HPSE2: variants seen among roughly 807,000 people sequenced by gnomAD.
HPSE2 encodes the protein inactive heparanase-2.
HPSE2 carries 38 observed loss-of-function variants against 60.5 expected under a neutral mutation model. That is an observed-to-expected ratio of 0.63 (90% CI 0.48 to 0.82). The LOEUF (loss-of-function observed/expected upper bound fraction) is 0.82, where lower values mean the gene tolerates loss of function less well. Ranked by LOEUF, HPSE2 falls within the 40% of genes least tolerant of loss-of-function variation. The probability of loss-of-function intolerance (pLI) is 0.00; values close to 1 mark genes in which losing one functional copy is unlikely to be tolerated. For synonymous variants in HPSE2, 295 were observed against 293.2 expected, an observed-to-expected ratio of 1.01 and a Z score of -0.06; for missense variants, 713 against 740.4, an observed-to-expected ratio of 0.96 and a Z score of 0.43.
intron 2 of HPSE2, among the ~76,000 whole-genome samples, chr10:99,201,589 A>T (rs1456489993): frequency 2.0e-5 from 3 of 152,162 alleles, no homozygotes; most frequent in Non-Finnish European, 4.4e-5. Flanking sequence ...GTCTTTTACA[A>T]CTAGTTCCTA....
intron 2 of HPSE2, among the ~76,000 whole-genome samples, chr10:99,194,015 G>A (rs1848310579): frequency 6.6e-6 from 1 of 151,942 alleles, no homozygotes; most frequent in African/African-American, 2.4e-5. Context: ...CCCAAAAACA[G>A]ACCACGTAAG....
At chr10:98,852,902 T>A (rs985664365) in intron 3 of HPSE2, among the ~76,000 whole-genome samples, 3 of 152,212 alleles carry the variant, frequency 2.0e-5, no homozygotes, top group African/African-American at 7.2e-5. Flanking sequence ...CTTGCTGACC[T>A]TCTTGAACAA....
At chr10:98,721,581 A>C in intron 5 of HPSE2, 76 bp downstream of exon 5, 1 of 1,382,022 alleles carries the variant, frequency 7.2e-7, no homozygotes, top group South Asian at 1.3e-5. Flanking sequence ...AAATAAATAA[A>C]TAACCAAGAG....
intron 5 of HPSE2, among the ~76,000 whole-genome samples, chr10:98,711,147 A>G (rs1229611805): frequency 6.6e-6 from 1 of 152,142 alleles, no homozygotes; most frequent in East Asian, 1.9e-4. Flanking sequence ...GGTGCTGGTT[A>G]GAAGATCATG....
chr10:99,040,691 C>T (rs796504999), intron 3 of HPSE2, among the ~76,000 whole-genome samples: 77 of 152,014 alleles, frequency 5.1e-4, no homozygotes, highest in African/African-American at 1.7e-3. Context: ...AGTATAGTAA[C>T]ATCTCTATAG....
chr10:98,941,128 C>A (rs1180825550), intron 3 of HPSE2, among the ~76,000 whole-genome samples: 1 of 142,214 alleles, frequency 7.0e-6, no homozygotes, highest in Non-Finnish European at 1.5e-5. Flanking sequence ...CCAGTATCAT[C>A]CTGAATGGGC....
intron 7 of HPSE2, among the ~76,000 whole-genome samples, chr10:98,628,526 T>C (rs569027557): frequency 6.6e-6 from 1 of 152,300 alleles, no homozygotes; most frequent in South Asian, 2.1e-4. Flanking sequence ...GGATACACTG[T>C]CTGGGGAGTA....
intron 3 of HPSE2, among the ~76,000 whole-genome samples, chr10:98,862,240 T>C (rs1312290614): frequency 6.6e-6 from 1 of 152,112 alleles, no homozygotes; most frequent in Non-Finnish European, 1.5e-5. Flanking sequence ...AAAAGGCAGC[T>C]TTTCCAGAGA....
Position 98,599,360 on chromosome 10 carries a change from G to A in HPSE2, c.1320+15544C>T, listed in dbSNP as rs571099310. ...TATCCTGATGGCTAAGACTGCAGGGGTGGTTTGGATACTGTGTCTGCTGGG... is the reference window on the plus strand; with the variant it reads ...TATCCTGATGGCTAAGACTGCAGGGATGGTTTGGATACTGTGTCTGCTGGG... On this transcript the variant is annotated intron_variant, in intron 9 of 11. Transcript: ENST00000370552. Among the ~76,000 whole-genome samples the A allele has an allele frequency of 4.6e-5, 7 of 152,292 alleles. 1 individual carries two copies. Among genetic ancestry groups the A allele is most frequent in the South Asian group, 4.1e-4 (2 of 4,826 alleles).
chr10:98,930,080 C>T lies in HPSE2; in HGVS notation c.611-186024G>A, dbSNP rs1338113079. Among the ~76,000 whole-genome samples, 2 of 143,126 alleles carry T rather than the reference C, an allele frequency of 1.4e-5. 1 individual carries two copies. Among genetic ancestry groups the T allele is most frequent in the Non-Finnish European group, 3.0e-5 (2 of 66,986 alleles). The allele number at this position is 143,126 out of a possible 152,430, so 93.9% of individuals were successfully genotyped here. On this transcript the variant is annotated intron_variant, in intron 3 of 11. Coordinates refer to ENST00000370552, the MANE Select transcript of HPSE2 (RefSeq NM_021828.5). ...ATGGTGGTTTGCTGCACCTGTCGAC[C>T]CATCATCTATGTATTAAGCCCAGCA...
intron 7 of HPSE2, among the ~76,000 whole-genome samples, chr10:98,631,746 A>G (rs1313011030): frequency 5.9e-5 from 9 of 152,238 alleles, no homozygotes; most frequent in Non-Finnish European, 1.3e-4. Flanking sequence ...AACACTGACC[A>G]AGAGCCTGTG....
rs1374952684 is a variant in HPSE2 at position 99,117,487 on chromosome 10, GAA to G, written c.610+26749_610+26750del. Reference sequence around the variant, plus strand: ...ATAGAACTCTAGCTAGACAAATAAAGAAGAGAGAAGACCCAAATAAACATCGT... The same window carrying G: ...ATAGAACTCTAGCTAGACAAATAAAGGAGAGAAGACCCAAATAAACATCGT... On this transcript the variant is annotated intron_variant, in intron 3 of 11. Transcript: ENST00000370552. Among the ~76,000 whole-genome samples, 3 of 68,176 alleles carry G rather than the reference GAA, an allele frequency of 4.4e-5. No individual in the cohort carries two copies. The East Asian group carries it at 1.2e-3, about 28-fold the overall frequency. The allele number at this position is 68,176 out of a possible 152,430, so 44.7% of individuals were successfully genotyped here. A position where few individuals can be genotyped will look rare whatever the true frequency, so the allele number is the denominator to read the frequency against.
At chr10:98,535,531 A>G (rs558632713) in intron 9 of HPSE2, among the ~76,000 whole-genome samples, 3 of 152,160 alleles carry the variant, frequency 2.0e-5, no homozygotes, top group African/African-American at 7.2e-5. Context: ...CCCCCATGTC[A>G]TACTGTTTTC....
chr10:99,279,403 C>T, the HPSE2 span, among the ~76,000 whole-genome samples: 1 of 152,150 alleles, frequency 6.6e-6, no homozygotes, highest in Non-Finnish European at 1.5e-5. Context: ...TCATAGTTCT[C>T]AATAAAAATC....
the HPSE2 span, among the ~76,000 whole-genome samples, chr10:99,243,548 G>A: frequency 1.3e-5 from 2 of 152,062 alleles, no homozygotes; most frequent in East Asian, 3.9e-4. Flanking sequence ...GTATGTATAA[G>A]TTGTTTTTAT....
intron 3 of HPSE2, among the ~76,000 whole-genome samples, chr10:98,967,623 T>A (rs990773493): frequency 3.3e-5 from 5 of 152,170 alleles, no homozygotes; most frequent in Admixed American, 1.3e-4. Flanking sequence ...AGCTGACCTT[T>A]AAAAATGTCA....
intron 3 of HPSE2, among the ~76,000 whole-genome samples, chr10:98,815,481 C>A (rs1951265191): frequency 6.6e-6 from 1 of 152,168 alleles, no homozygotes; most frequent in African/African-American, 2.4e-5. Context: ...AGACTCTGAG[C>A]ACAGTTTCTG....
intron 11 of HPSE2, among the ~76,000 whole-genome samples, chr10:98,482,125 CTCTT>C (rs1416891076): frequency 1.3e-5 from 2 of 152,162 alleles, no homozygotes; most frequent in African/African-American, 2.4e-5. Flanking sequence ...GCAGGACAGA[CTCTT>C]TATCTCTGAC....
intron 9 of HPSE2, among the ~76,000 whole-genome samples, chr10:98,592,338 C>T (rs1452653314): frequency 2.6e-5 from 4 of 152,222 alleles, no homozygotes; most frequent in Non-Finnish European, 4.4e-5. Context: ...CCTTCTGTCA[C>T]ATGGACCATG....
Sources: allele counts gnomAD v4.1 joint callset (sites outside exome capture counted in the v4.1 genomes callset), GRCh38; gene constraint gnomAD v4.1.1; transcripts MANE v1.5; gene names NCBI Gene and HGNC (gene_info 2026-07-23, HGNC 2026-07-21).